The following MAX variants were observed in gnomAD, a reference collection of about 807,000 sequenced individuals.
MAX encodes the protein MYC associated transcriptional regulator X, also known as protein max.
A neutral mutation model predicts 22.3 loss-of-function variants in MAX; 3 were observed. The ratio of observed to expected loss-of-function variants is 0.13; its 90% CI spans 0.06 to 0.35. The LOEUF (loss-of-function observed/expected upper bound fraction) is 0.35, where lower values mean the gene tolerates loss of function less well. MAX is among the 10% of genes least tolerant of loss of function. The probability of loss-of-function intolerance (pLI) is 1.00; values close to 1 mark genes in which losing one functional copy is unlikely to be tolerated. For synonymous variants in MAX, 72 were observed against 77.7 expected (o/e 0.93, Z 0.39); for missense variants, 119 against 209.4 (o/e 0.57, Z 2.66).
At chr14:65,045,368 C>T (rs996500749) in intron 3 of MAX, among the ~76,000 whole-genome samples, 13 of 151,964 alleles carry the variant, frequency 8.6e-5, no homozygotes, top group Admixed American at 4.6e-4. Context: ...TTCTGCCCCT[C>T]CCCATACTTT....
rs1025944660 is a variant in MAX at position 65,029,171 on chromosome 14, A to G, written c.172-22887T>C. ...TCTGCCATTCGTGCCCGTGCTTTCT[A>G]TTTACATAAAGGATTAAAGATATGA... On this transcript the variant is annotated intron_variant, in intron 3 of 3. Transcript: ENST00000341653. The surrounding 1 kb of genome is among the most constrained non-coding windows in gnomAD (Gnocchi z 4.7). Among the ~76,000 whole-genome samples, 10 of 152,070 alleles carry G rather than the reference A, an allele frequency of 6.6e-5. No homozygotes were observed. Among genetic ancestry groups the G allele is most frequent in the African/African-American group, 1.4e-4 (6 of 41,384 alleles).
rs1418155266 is a variant in MAX, at chr14:65,062,690, C to G, written c.171+31018G>C. The stretch of plus-strand genomic sequence containing the variant: ...TTTGTGATCTGTACCAAGAAAATGC[C>G]CAATGGTAGGAGCTACTAAAGGTTG... On this transcript the variant is annotated intron_variant, in intron 3 of 3. Coordinates refer to the MAX transcript ENST00000341653. This position sits in a 1 kb window ranked among gnomAD's most constrained non-coding sequence, Gnocchi z 4.3. 1 of 152,552 alleles carries G rather than the reference C, an allele frequency of 6.6e-6. No individual in the cohort carries two copies. The highest frequency in any genetic ancestry group is 2.4e-5 in the African/African-American group (1 of 41,406). 9.4% of individuals were successfully genotyped at this position (152,552 alleles called of 1,614,324 possible). A position where few individuals can be genotyped will look rare whatever the true frequency, so the allele number is the denominator to read the frequency against.
chr14:65,097,664 T>C (rs1337193701), intron 2 of MAX, among the ~76,000 whole-genome samples: 3 of 152,196 alleles, frequency 2.0e-5, no homozygotes, highest in African/African-American at 2.4e-5. Flanking sequence ...CTATTCTTAT[T>C]AGAGACTAAG....
chr14:65,036,489 A>G (rs1047472534), intron 3 of MAX, among the ~76,000 whole-genome samples: 16 of 152,148 alleles, frequency 1.1e-4, no homozygotes, highest in Non-Finnish European at 2.1e-4. Context: ...CGCCTGCCTC[A>G]GCCTCCCAAA....
downstream of MAX, chr14:65,075,091 T>C (rs542809561): frequency 3.3e-5 from 33 of 1,012,634 alleles, no homozygotes; most frequent in Middle Eastern, 4.8e-4. This position sits in a 1 kb window ranked among gnomAD's most constrained non-coding sequence, Gnocchi z 4.1. Flanking sequence ...TCAACCACCT[T>C]GGCCTTAACA....
chr14:65,061,152 T>G (rs751020064), intron 3 of MAX: 2 of 1,612,926 alleles, frequency 1.2e-6, no homozygotes, highest in South Asian at 2.2e-5. Flanking sequence ...ACCGGGGTGA[T>G]TAACTGGCAC....
At chr14:65,056,873 G>A (rs984824423) in intron 3 of MAX, among the ~76,000 whole-genome samples, 2 of 152,322 alleles carry the variant, frequency 1.3e-5, no homozygotes, top group African/African-American at 2.4e-5. Flanking sequence ...TTTAGCTCAT[G>A]GTTCTATAGA....
Position 65,082,311 on chromosome 14 carries a change from C to T in MAX, c.172-4275G>A, listed in dbSNP as rs2063218508. 1 of 152,120 alleles carries T rather than the reference C, an allele frequency of 6.6e-6. No individual in the cohort carries two copies. Among genetic ancestry groups the T allele is most frequent in the Non-Finnish European group, 1.5e-5 (1 of 68,052 alleles). The allele number at this position is 152,120 out of a possible 1,614,324, so 9.4% of individuals were successfully genotyped here. A position where few individuals can be genotyped will look rare whatever the true frequency, so the allele number is the denominator to read the frequency against. On this transcript the variant is annotated intron_variant, in intron 3 of 4. Coordinates refer to ENST00000358664, the MANE Select transcript of MAX (RefSeq NM_002382.5). This position sits in a 1 kb window ranked among gnomAD's most constrained non-coding sequence, Gnocchi z 4.8. ...AGGACTACGAAAGTCACCTGATTTG[C>T]CTACAAGGACGTCAAATGGAAGACC... is the stretch of plus-strand genomic sequence containing the variant.
At chr14:65,036,217 C>G in intron 3 of MAX, among the ~76,000 whole-genome samples, 1 of 151,968 alleles carries the variant, frequency 6.6e-6, no homozygotes, top group East Asian at 1.9e-4. Flanking sequence ...TGGTGGGATA[C>G]TGAATTTAAT....
chr14:65,068,491 G>A (rs1048669006), intron 3 of MAX, among the ~76,000 whole-genome samples: 1 of 152,302 alleles, frequency 6.6e-6, no homozygotes, highest in African/African-American at 2.4e-5. Context: ...CAGAGCACCT[G>A]CATAAACTAC....
chr14:65,026,615 T>G (rs931262446), intron 3 of MAX, among the ~76,000 whole-genome samples: 3 of 152,184 alleles, frequency 2.0e-5, no homozygotes, highest in African/African-American at 7.2e-5. Context: ...ATCCCAGCAC[T>G]TGCAGAGGCT....
chr14:65,060,644 C>T (rs1339744181), intron 3 of MAX, among the ~76,000 whole-genome samples: 2 of 100,218 alleles, frequency 2.0e-5, no homozygotes, highest in Non-Finnish European at 3.5e-5. Flanking sequence ...TGCAGTGAGC[C>T]GAGATCCCGC....
chr14:65,075,961 GAAA>G lies in MAX; in HGVS notation c.*512_*514del. ...GCGATACATAGCTTTTTAGAAAAAGGAAAAAAAAAAAACCCTTAAAAAGGAGGA... is the reference window on the plus strand; with the variant it reads ...GCGATACATAGCTTTTTAGAAAAAGGAAAAAAAAACCCTTAAAAAGGAGGA... On this transcript the variant is annotated 3_prime_UTR_variant, in exon 5 of 5. Transcript: ENST00000358664. This position sits in a 1 kb window ranked among gnomAD's most constrained non-coding sequence, Gnocchi z 4.1. 6.2e-6 allele frequency: 5 copies of G among 811,950 alleles called. No homozygotes were observed. The highest frequency in any genetic ancestry group is 7.6e-6 in the Non-Finnish European group (5 of 657,320). The allele number at this position is 811,950 out of a possible 1,614,324, so 50.3% of individuals were successfully genotyped here.
At position 65,027,292 on chromosome 14, in the gene MAX, G is replaced by T; in HGVS notation, c.172-21008C>A. The T allele has an allele frequency of 9.1e-7, 1 of 1,093,142 alleles. No homozygotes were observed. The highest frequency in any genetic ancestry group is 1.3e-6 in the Non-Finnish European group (1 of 767,620). 67.7% of individuals were successfully genotyped at this position (1,093,142 alleles called of 1,614,324 possible). On this transcript the variant is annotated intron_variant, in intron 3 of 3. Coordinates refer to the MAX transcript ENST00000341653. This position sits in a 1 kb window ranked among gnomAD's most constrained non-coding sequence, Gnocchi z 5.7. ...TGATGATAGCTGGAGAGAGAATTAA[G>T]CCCTTTGGGGAGAGGTTATATTCAA...
downstream of MAX, among the ~76,000 whole-genome samples, chr14:65,073,484 T>A (rs548946111): frequency 2.6e-5 from 4 of 152,300 alleles, no homozygotes; most frequent in South Asian, 8.3e-4. Flanking sequence ...ACCCTTGCAC[T>A]TGGGGCAACT....
Position 65,014,449 on chromosome 14 carries a change from A to G in MAX, c.172-8165T>C, listed in dbSNP as rs1212573602. ...GTTGGTTCCAGAAAGACATGAGGTA[A>G]CTTATATGTCTGTCCAGTGCTCTCT... On this transcript the variant is annotated intron_variant, in intron 3 of 3. Coordinates refer to the MAX transcript ENST00000341653. This position sits in a 1 kb window ranked among gnomAD's most constrained non-coding sequence, Gnocchi z 5.1. 2.0e-5 allele frequency among the ~76,000 whole-genome samples: 3 copies of G among 152,164 alleles called. No individual in the cohort carries two copies. The highest frequency in any genetic ancestry group is 4.4e-5 in the Non-Finnish European group (3 of 68,028).
downstream of MAX, among the ~76,000 whole-genome samples, chr14:65,073,846 C>T (rs575699039): frequency 4.6e-4 from 70 of 152,184 alleles, no homozygotes; most frequent in Non-Finnish European, 8.4e-4. Context: ...AAAGTCCGCT[C>T]ACCATGTCAA....
At chr14:65,024,945 T>A (rs181741231) in intron 3 of MAX, among the ~76,000 whole-genome samples, 3 of 152,300 alleles carry the variant, frequency 2.0e-5, no homozygotes, top group Non-Finnish European at 2.9e-5. Context: ...TTGTTTTTTT[T>A]AAATATGTAG....
rs1555335876 is a variant in MAX, at chr14:65,037,403, C to CTTTTTTTTTTTTTTTTTTTT, written c.172-31139_172-31120dup. 4.7e-4 allele frequency among the ~76,000 whole-genome samples: 14 copies of CTTTTTTTTTTTTTTTTTTTT among 29,642 alleles called. 4 individuals carry two copies. Among genetic ancestry groups the CTTTTTTTTTTTTTTTTTTTT allele is most frequent in the Non-Finnish European group, 8.8e-4 (12 of 13,686 alleles). 19.4% of individuals were successfully genotyped at this position (29,642 alleles called of 152,430 possible). Reference sequence around the variant, plus strand: ...TAGGCGTGAGCCACCACGCCGGGCCCTTTTTTTTTTTTTTTTTTTTTTTTT... The same window carrying CTTTTTTTTTTTTTTTTTTTT: ...TAGGCGTGAGCCACCACGCCGGGCCCTTTTTTTTTTTTTTTTTTTTTTTTTTTTTTTTTTTTTTTTTTTTT... On this transcript the variant is annotated intron_variant, in intron 3 of 3. Coordinates refer to the MAX transcript ENST00000341653.
Sources: allele counts gnomAD v4.1 joint callset (sites outside exome capture counted in the v4.1 genomes callset), GRCh38; gene constraint gnomAD v4.1.1; non-coding constraint Gnocchi (gnomAD v3.1); transcripts MANE v1.5; gene names NCBI Gene and HGNC (gene_info 2026-07-23, HGNC 2026-07-21).